The following CNPY1 variants were observed in gnomAD, a reference collection of about 807,000 sequenced individuals.
CNPY1 encodes protein canopy homolog 1.
In CNPY1, 14 loss-of-function variants were observed where a neutral mutation model predicts 14.4. The observed-to-expected ratio is 0.97, with a 90% CI of 0.64 to 1.52. The LOEUF is 1.52. Ranked by LOEUF, CNPY1 falls within the 40% of genes most tolerant of loss-of-function variation. The pLI, the probability that CNPY1 is intolerant of heterozygous loss-of-function variation, is 0.00. For missense variants in CNPY1, 129 were observed against 131.5 expected (o/e 0.98, Z 0.09); for synonymous variants, 43 against 46.5 (o/e 0.92, Z 0.31).
At chr7:155,526,332 A>G (rs1345080416) in intron 2 of CNPY1, among the ~76,000 whole-genome samples, 2 of 152,214 alleles carry the variant, frequency 1.3e-5, no homozygotes, top group African/African-American at 4.8e-5. Flanking sequence ...AAAAGCATGC[A>G]GTAATGGAAG....
intron 2 of CNPY1, among the ~76,000 whole-genome samples, chr7:155,524,532 A>G (rs940360946): frequency 1.2e-4 from 18 of 152,290 alleles, no homozygotes; most frequent in Admixed American, 5.2e-4. Context: ...TGTGAACCCT[A>G]TTGTGAACGG....
intron 2 of CNPY1, among the ~76,000 whole-genome samples, chr7:155,515,346 G>C (rs1796601392): frequency 7.4e-6 from 1 of 135,784 alleles, no homozygotes; most frequent in Non-Finnish European, 1.5e-5. Flanking sequence ...CTAAGAACAG[G>C]CCTCGGTGAT....
At chr7:155,534,079 G>A (rs1344026521) in intron 2 of CNPY1, among the ~76,000 whole-genome samples, 1 of 152,186 alleles carries the variant, frequency 6.6e-6, no homozygotes, top group Non-Finnish European at 1.5e-5. Context: ...CTAGGACACT[G>A]ACATGCCTGC....
chr7:155,509,329 T>A (rs1357825358), intron 2 of CNPY1, among the ~76,000 whole-genome samples: 3 of 152,062 alleles, frequency 2.0e-5, no homozygotes, highest in Non-Finnish European at 4.4e-5. Flanking sequence ...TGCATATATT[T>A]CAAAGTGGCC....
At chr7:155,534,022 G>A (rs1421277701) in intron 2 of CNPY1, among the ~76,000 whole-genome samples, 1 of 152,184 alleles carries the variant, frequency 6.6e-6, no homozygotes, top group African/African-American at 2.4e-5. Flanking sequence ...GAAGCCCGGG[G>A]GGAAAGGTCC....
intron 2 of CNPY1, among the ~76,000 whole-genome samples, chr7:155,524,080 C>T (rs1796775821): frequency 6.6e-6 from 1 of 152,212 alleles, no homozygotes; most frequent in African/African-American, 2.4e-5. Flanking sequence ...CTGGCCTTTG[C>T]CCCACGAGGG....
chr7:155,510,615 C>T (rs1184901990), intron 2 of CNPY1: 2 of 152,196 alleles, frequency 1.3e-5, no homozygotes, highest in Non-Finnish European at 2.9e-5. Flanking sequence ...TATCTAATCA[C>T]TCAAATACCA....
chr7:155,504,023 T>C (rs1274435713), intron 4 of CNPY1, among the ~76,000 whole-genome samples: 1 of 152,162 alleles, frequency 6.6e-6, no homozygotes, highest in Admixed American at 6.5e-5. Context: ...TCTGGAGAAG[T>C]CTGAACTATA....
At chr7:155,546,015 T>G (rs552201304) in intron 1 of CNPY1, 72 bp from the exon 2 acceptor site, 1 of 398,498 alleles carries the variant, frequency 2.5e-6, no homozygotes, top group Admixed American at 4.4e-5. Context: ...AGTGGCTTCC[T>G]CTGTGCCACC....
chr7:155,514,942 T>C (rs1013132719), intron 2 of CNPY1, among the ~76,000 whole-genome samples: 2 of 151,942 alleles, frequency 1.3e-5, no homozygotes, highest in African/African-American at 2.4e-5. Context: ...ATGTTAGATA[T>C]CTAAGAGGAA....
chr7:155,545,712 A>G, intron 2 of CNPY1, 119 bp downstream of exon 2: 1 of 394,472 alleles, frequency 2.5e-6, no homozygotes, highest in Non-Finnish European at 4.5e-6. Context: ...AGCAATTTAG[A>G]GCTGATACCC....
intron 4 of CNPY1, among the ~76,000 whole-genome samples, chr7:155,506,089 A>G (rs1407655869): frequency 6.6e-6 from 1 of 152,256 alleles, no homozygotes; most frequent in Non-Finnish European, 1.5e-5. Flanking sequence ...AATGTTCAGT[A>G]GCTGTTATTT....
chr7:155,532,371 C>T (rs905840932), intron 2 of CNPY1, among the ~76,000 whole-genome samples: 3 of 152,040 alleles, frequency 2.0e-5, no homozygotes, highest in African/African-American at 7.3e-5. Context: ...GCTTGTACTC[C>T]CAGCACTTTG....
At chr7:155,508,139 T>G (rs1413799140) in intron 3 of CNPY1, among the ~76,000 whole-genome samples, 1 of 152,254 alleles carries the variant, frequency 6.6e-6, no homozygotes, top group Non-Finnish European at 1.5e-5. Flanking sequence ...TAATACATTT[T>G]TTAAAACAGG....
intron 2 of CNPY1, among the ~76,000 whole-genome samples, chr7:155,522,818 AC>A (rs1796750183): frequency 6.6e-6 from 1 of 152,178 alleles, no homozygotes; most frequent in Admixed American, 6.5e-5. Flanking sequence ...GTGTCACGGA[AC>A]TCAGCCTCCC....
intron 2 of CNPY1, among the ~76,000 whole-genome samples, chr7:155,539,707 C>T (rs565973457): frequency 6.6e-6 from 1 of 152,288 alleles, no homozygotes; most frequent in African/African-American, 2.4e-5. Flanking sequence ...AGCAGACAAA[C>T]ATTCATGTGT....
At position 155,503,312 on chromosome 7, in the gene CNPY1, C is replaced by T. The variant is rs137970193; in HGVS notation, c.401-207G>A. 3.2e-3 allele frequency among the ~76,000 whole-genome samples: 480 copies of T among 152,118 alleles called. 3 individuals carry two copies. Among genetic ancestry groups the T allele is most frequent in the African/African-American group, 0.011 (457 of 41,512 alleles). On this transcript the variant is annotated intron_variant, in intron 4 of 4. Transcript: ENST00000636446. ...TTCCCCTGCACCCCAAACCCAGCTTCAACAAAGATCAACACTGCTGTTCTT... is the reference window on the plus strand; with the variant it reads ...TTCCCCTGCACCCCAAACCCAGCTTTAACAAAGATCAACACTGCTGTTCTT...
chr7:155,503,143 CT>C, intron 4 of CNPY1, 38 bp from the exon 5 acceptor site: 1 of 1,505,872 alleles, frequency 6.6e-7, no homozygotes, highest in Non-Finnish European at 9.1e-7. Flanking sequence ...ATCATTATCA[CT>C]TTAGACTCCA....
intron 2 of CNPY1, among the ~76,000 whole-genome samples, chr7:155,535,555 G>A (rs147034397): frequency 3.3e-5 from 5 of 152,274 alleles, no homozygotes; most frequent in Non-Finnish European, 2.9e-5. Flanking sequence ...GAAGGAAGCC[G>A]GGAATGAACA....
Sources: gnomAD v4.1 joint callset for allele counts (sites outside exome capture counted in the v4.1 genomes callset) on GRCh38, gnomAD v4.1.1 for gene constraint, MANE v1.5 for transcripts, NCBI Gene and HGNC (gene_info 2026-07-23, HGNC 2026-07-21) for gene names.